The following BCOR variants were observed in gnomAD, a reference collection of about 807,000 sequenced individuals.
The protein encoded by BCOR is BCL6 corepressor, also known as BCL-6 corepressor.
Under a neutral mutation model 86.7 loss-of-function variants are expected in BCOR, and 10 were observed. That is an observed-to-expected ratio of 0.12 (90% CI 0.07 to 0.20). The LOEUF is 0.20. BCOR is among the 10% of genes least tolerant of loss of function. The pLI, the probability that BCOR is intolerant of heterozygous loss-of-function variation, is 1.00. For synonymous variants in BCOR, 611 were observed against 609.0 expected, an observed-to-expected ratio of 1.00 and a Z score of -0.05; for missense variants, 1,259 against 1,452.1, an observed-to-expected ratio of 0.87 and a Z score of 2.16.
At chrX:40,132,324 T>G (rs1416413478) in intron 1 of BCOR, among the ~76,000 whole-genome samples, 8 of 111,094 alleles carry the variant, frequency 7.2e-5, no homozygotes, top group African/African-American at 2.3e-4. Context: ...AATCAAAGAG[T>G]TGGGGTTTTT....
chrX:40,090,512 A>T (rs1000249622), intron 1 of BCOR, among the ~76,000 whole-genome samples: 1 of 112,371 alleles, frequency 8.9e-6, no homozygotes, highest in Non-Finnish European at 1.9e-5. Flanking sequence ...ATTCCCCCCA[A>T]GTCCCGGGCA....
In BCOR at chrX:40,075,172, C is replaced by T. The variant is rs763069563; in HGVS notation, c.174G>A (p.Ala58=). The T allele has an allele frequency of 1.8e-5, 22 of 1,207,198 alleles. No individual in the cohort carries two copies. Among genetic ancestry groups the T allele is most frequent in the South Asian group, 5.3e-5 (3 of 56,284 alleles). Residue 58 remains alanine, a synonymous_variant, in exon 4 of 15, where the codon GCG becomes GCA. Coordinates refer to ENST00000378444, the MANE Select transcript of BCOR (RefSeq NM_001123385.2). ...ENPLNHNVVD[A]STAHRIDGLA... Reference sequence around the variant, plus strand: ...GGCCATCGATCCTATGGGCCGTGCTCGCATCCACCTTTGCAGAAGAACAAC... The same window carrying T: ...GGCCATCGATCCTATGGGCCGTGCTTGCATCCACCTTTGCAGAAGAACAAC...
chrX:40,086,821 G>A (rs1936379956), intron 1 of BCOR, among the ~76,000 whole-genome samples: 1 of 113,463 alleles, frequency 8.8e-6, no homozygotes, highest in African/African-American at 3.2e-5. Flanking sequence ...GCAGCATTGT[G>A]TCTGCCTTTG....
rs1192911367 is a variant in BCOR at position 40,060,010 on chromosome X, A to G, written c.4428+2129T>C. On this transcript the variant is annotated intron_variant, in intron 10 of 14. Transcript: ENST00000378444. ...CCAGATTAACAGAAAACAAAGCTTG[A>G]GCAGCCTTTTTATTGCATGTGGTAT... Among the ~76,000 whole-genome samples, 3 of 112,089 alleles carry G rather than the reference A, an allele frequency of 2.7e-5. No homozygotes were observed. The East Asian group carries it at 8.3e-4, about 31-fold the overall frequency.
At chrX:40,146,783 C>T (rs1473478340) in intron 1 of BCOR, among the ~76,000 whole-genome samples, 2 of 112,451 alleles carry the variant, frequency 1.8e-5, no homozygotes, top group African/African-American at 6.5e-5. Flanking sequence ...ACCCAGAACC[C>T]CCGCCGCCGT....
chrX:40,053,380 C>T (rs769315082), intron 14 of BCOR, among the ~76,000 whole-genome samples: 10 of 111,794 alleles, frequency 8.9e-5, no homozygotes, highest in Non-Finnish European at 5.7e-5. Flanking sequence ...TGGTCACTGG[C>T]GAATAGGGGC....
At chrX:40,160,540 A>AT (rs1226443869) in intron 1 of BCOR, among the ~76,000 whole-genome samples, 1 of 107,698 alleles carries the variant, frequency 9.3e-6, no homozygotes, top group Non-Finnish European at 1.9e-5. Context: ...AAAATCAGTC[A>AT]ATCAATAAAA....
chrX:40,168,669 C>G (rs1024592909), intron 1 of BCOR, among the ~76,000 whole-genome samples: 7 of 112,839 alleles, frequency 6.2e-5, no homozygotes, highest in Admixed American at 5.5e-4. Flanking sequence ...CCCCGGGGGG[C>G]TGCCTGGAGG....
intron 1 of BCOR, among the ~76,000 whole-genome samples, chrX:40,104,725 T>C (rs1377166755): frequency 2.7e-5 from 3 of 112,767 alleles, no homozygotes; most frequent in East Asian, 2.8e-4. Context: ...CGCGGACGGA[T>C]TGTCCCTGGG....
At chrX:40,106,268 G>A (rs1416038441) in intron 1 of BCOR, among the ~76,000 whole-genome samples, 2 of 111,041 alleles carry the variant, frequency 1.8e-5, no homozygotes, top group Admixed American at 1.9e-4. Context: ...GCCAGCGGGA[G>A]CCGAGCGAGT....
chrX:40,105,624 G>C lies in BCOR; in HGVS notation c.-40-27655C>G, dbSNP rs955682170. 3.5e-5 allele frequency among the ~76,000 whole-genome samples: 4 copies of C among 112,845 alleles called. No homozygotes were observed. The Admixed American group carries it at 3.7e-4, about 10-fold the overall frequency. Reference sequence around the variant, plus strand: ...GGGGCGCGGAGCCGCCACTCCGGCCGGGCAGGAACACCTGCTCCCAGGCCC... The same window carrying C: ...GGGGCGCGGAGCCGCCACTCCGGCCCGGCAGGAACACCTGCTCCCAGGCCC... On this transcript the variant is annotated intron_variant, in intron 1 of 14. Coordinates refer to the BCOR transcript ENST00000342274.
At chrX:40,150,030 C>T (rs1264787176) in intron 1 of BCOR, among the ~76,000 whole-genome samples, 2 of 112,408 alleles carry the variant, frequency 1.8e-5, no homozygotes, top group Non-Finnish European at 3.8e-5. Flanking sequence ...GCTCCAGAGC[C>T]AGAATCCAGA....
chrX:40,090,778 T>C (rs1936575075), intron 1 of BCOR, among the ~76,000 whole-genome samples: 1 of 111,854 alleles, frequency 8.9e-6, no homozygotes, highest in South Asian at 3.7e-4. Flanking sequence ...GCTGCTTTTA[T>C]TTATTTTTTA....
At chrX:40,081,533 A>G (rs1405092269) in intron 1 of BCOR, among the ~76,000 whole-genome samples, 3 of 112,258 alleles carry the variant, frequency 2.7e-5, no homozygotes, top group South Asian at 7.3e-4. Flanking sequence ...TTTCAATGAC[A>G]AACAGAGCCT....
chrX:40,085,456 G>T (rs1936315298), intron 1 of BCOR, among the ~76,000 whole-genome samples: 1 of 111,696 alleles, frequency 9.0e-6, no homozygotes, highest in African/African-American at 3.3e-5. Flanking sequence ...GTCATAAAAA[G>T]AGACCAATTT....
intron 11 of BCOR, among the ~76,000 whole-genome samples, chrX:40,056,826 A>G (rs1934623281): frequency 1.8e-5 from 2 of 111,775 alleles, no homozygotes; most frequent in Non-Finnish European, 3.8e-5. Flanking sequence ...CAGCTCAAAT[A>G]TATTTTAAAT....
intron 1 of BCOR, among the ~76,000 whole-genome samples, chrX:40,171,176 C>T: frequency 8.9e-6 from 1 of 111,927 alleles, no homozygotes; most frequent in East Asian, 2.8e-4. Context: ...ATATTGCATC[C>T]TTTTCTTGGA....
intron 1 of BCOR, among the ~76,000 whole-genome samples, chrX:40,109,522 G>C (rs1039254398): frequency 8.9e-6 from 1 of 112,151 alleles, no homozygotes; most frequent in African/African-American, 3.2e-5. Flanking sequence ...CCCCGGCCCC[G>C]GGCGGCGGAG....
intron 1 of BCOR, among the ~76,000 whole-genome samples, chrX:40,081,078 G>A (rs778209779): frequency 1.8e-5 from 2 of 111,317 alleles, no homozygotes; most frequent in South Asian, 3.8e-4. Context: ...AAACAGCGGC[G>A]CCACTGCCAG....
Sources: gnomAD v4.1 joint callset for allele counts (sites outside exome capture counted in the v4.1 genomes callset) on GRCh38, gnomAD v4.1.1 for gene constraint, MANE v1.5 for transcripts, NCBI Gene and HGNC (gene_info 2026-07-23, HGNC 2026-07-21) for gene names.